Variants in PCF11 observed in about 807,000 individuals in gnomAD.
PCF11 encodes pre-mRNA cleavage complex 2 protein Pcf11.
A neutral mutation model predicts 166.1 loss-of-function variants in PCF11; 19 were observed. That is an observed-to-expected ratio of 0.11 (90% CI 0.08 to 0.17). The LOEUF (loss-of-function observed/expected upper bound fraction) is 0.17, where lower values mean the gene tolerates loss of function less well. Among genes scored for constraint, PCF11 ranks in the 10% least tolerant of loss-of-function variants. The pLI, the probability that PCF11 is intolerant of heterozygous loss-of-function variation, is 1.00. For missense variants in PCF11, 1,565 were observed against 1,855.5 expected, an observed-to-expected ratio of 0.84 and a Z score of 2.88; for synonymous variants, 663 against 644.1, an observed-to-expected ratio of 1.03 and a Z score of -0.44.
intron 5 of PCF11, 40 bp downstream of exon 5, chr11:83,166,754 A>C: frequency 6.7e-7 from 1 of 1,493,968 alleles, no homozygotes; most frequent in Non-Finnish European, 9.0e-7. Context: ...AGTAGTGTAT[A>C]TGTTTCAAAA....
chr11:83,181,453 T>G (rs570938256), intron 12 of PCF11, among the ~76,000 whole-genome samples: 3 of 151,336 alleles, frequency 2.0e-5, no homozygotes, highest in Non-Finnish European at 4.4e-5. Context: ...GTTCTAGCTC[T>G]AAAAGTCCAA....
At position 83,183,016 on chromosome 11, in the gene PCF11, ACTTT is replaced by A; in HGVS notation, c.4417-21_4417-18del. 7.6e-7 allele frequency: 1 copy of A among 1,315,794 alleles called. No individual in the cohort carries two copies. The highest frequency in any genetic ancestry group is 1.1e-6 in the Non-Finnish European group (1 of 933,136). 81.5% of individuals were successfully genotyped at this position (1,315,794 alleles called of 1,614,324 possible). A position where few individuals can be genotyped will look rare whatever the true frequency, so the allele number is the denominator to read the frequency against. On this transcript the variant is annotated intron_variant, in intron 14 of 15. Coordinates refer to ENST00000298281, the Ensembl canonical transcript of PCF11. Reference sequence around the variant, plus strand: ...ATTAGAAATGAATACGCACATATTTACTTTTTTTCTTTTTGCTTCAGATTTATCA... The same window carrying A: ...ATTAGAAATGAATACGCACATATTTATTTTCTTTTTGCTTCAGATTTATCA...
intron 15 of PCF11, among the ~76,000 whole-genome samples, chr11:83,183,349 A>C (rs1198124322): frequency 3.3e-5 from 5 of 152,170 alleles, no homozygotes; most frequent in African/African-American, 1.2e-4. Context: ...GGTATCTTTT[A>C]CTAGTCCACT....
chr11:83,179,982 A>G (rs1448349006), intron 11 of PCF11, among the ~76,000 whole-genome samples: 1 of 152,000 alleles, frequency 6.6e-6, no homozygotes, highest in African/African-American at 2.4e-5. Context: ...ACTCCCCTCC[A>G]TGTAGTTATA....
At chr11:83,170,043 T>A (rs747914378) in intron 8 of PCF11, 48 bp downstream of exon 8, 1 of 1,438,078 alleles carries the variant, frequency 7.0e-7, no homozygotes, top group Non-Finnish European at 9.2e-7. Context: ...AAGTTAACCA[T>A]TTTTTAATGT....
rs1860521255 is a variant in PCF11 at position 83,167,734 on chromosome 11, AAAGTAAACATGC to A, written c.2092+235_2092+246del. The A allele has an allele frequency of 6.8e-7, 1 of 1,474,212 alleles. No individual in the cohort carries two copies. Among genetic ancestry groups the A allele is most frequent in the African/African-American group, 1.4e-5 (1 of 71,638 alleles). The allele number at this position is 1,474,212 out of a possible 1,614,324, so 91.3% of individuals were successfully genotyped here. On this transcript the variant is annotated intron_variant, in intron 7 of 15. Transcript: ENST00000298281. This position sits in a 1 kb window ranked among gnomAD's most constrained non-coding sequence, Gnocchi z 4.2. Reference sequence around the variant, plus strand: ...TCTGGAATAGAATGTGAGCCATCCAAAAGTAAACATGCAAGTAGGAATAGTGGAGCACAGTTT... The same window carrying A: ...TCTGGAATAGAATGTGAGCCATCCAAAAGTAGGAATAGTGGAGCACAGTTT...
chr11:83,182,119 A>T (rs1182987760), intron 13 of PCF11, 110 bp downstream of exon 13: 4 of 942,500 alleles, frequency 4.2e-6, no homozygotes, highest in Non-Finnish European at 6.1e-6. Context: ...AATGATTTTA[A>T]GACTTCTTGA....
chr11:83,184,815 C>G (rs757291346), exon 16 of PCF11: 1 of 1,606,646 alleles, frequency 6.2e-7, no homozygotes, highest in South Asian at 1.1e-5. Context: ...CGAATTGATA[C>G]ACCACCAGCT....
intron 2 of PCF11, among the ~76,000 whole-genome samples, chr11:83,163,342 T>A (rs978542564): frequency 1.3e-5 from 2 of 152,190 alleles, no homozygotes; most frequent in Non-Finnish European, 2.9e-5. Context: ...TTGTTTTATA[T>A]TTTTTAGTTT....
chr11:83,166,609 A>C, exon 5 of PCF11: 1 of 1,613,922 alleles, frequency 6.2e-7, no homozygotes, highest in Non-Finnish European at 8.5e-7. Context: ...GAAACTACAA[A>C]TCAGCATTCT....
At chr11:83,157,480 C>G (rs750919205) in exon 1 of PCF11, 1 of 1,612,930 alleles carries the variant, frequency 6.2e-7, no homozygotes, top group Non-Finnish European at 8.5e-7. Flanking sequence ...GCTGCGGGGG[C>G]CCGGGAGGAC....
chr11:83,157,586 C>T (rs547797220), exon 1 of PCF11: 28 of 1,614,028 alleles, frequency 1.7e-5, no homozygotes, highest in African/African-American at 5.3e-5. Context: ...AGAACCTGCC[C>T]TTCGCCAAGG....
exon 1 of PCF11, chr11:83,157,305 C>G: frequency 6.8e-6 from 5 of 737,716 alleles, no homozygotes; most frequent in East Asian, 2.7e-5. Flanking sequence ...CCCCATCCCC[C>G]CTCCGCGGTC....
intron 10 of PCF11, 115 bp from the exon 11 acceptor site, chr11:83,177,599 A>G (rs901110859): frequency 2.4e-5 from 11 of 463,820 alleles, no homozygotes; most frequent in Admixed American, 1.2e-4. Context: ...TGAGATCAGA[A>G]GCACTGAATG....
exon 4 of PCF11, chr11:83,164,389 T>G (rs754298058): frequency 1.2e-6 from 2 of 1,612,130 alleles, no homozygotes; most frequent in Non-Finnish European, 1.7e-6. Context: ...TAGAGCAAGC[T>G]AAGGCACAGT....
chr11:83,179,048 A>G (rs1474784995), intron 11 of PCF11, among the ~76,000 whole-genome samples: 1 of 152,116 alleles, frequency 6.6e-6, no homozygotes, highest in Non-Finnish European at 1.5e-5. Flanking sequence ...AAAATAGTGA[A>G]TGAGTTTTTC....
At chr11:83,163,542 T>G in intron 2 of PCF11, 137 bp from the exon 3 acceptor site, 1 of 368,002 alleles carries the variant, frequency 2.7e-6, no homozygotes, top group Non-Finnish European at 4.9e-6. Flanking sequence ...CTTTAATAAA[T>G]TATTACTGTT....
intron 8 of PCF11, among the ~76,000 whole-genome samples, chr11:83,171,574 T>C (rs1319070063): frequency 6.6e-6 from 1 of 152,208 alleles, no homozygotes; most frequent in African/African-American, 2.4e-5. Flanking sequence ...TACCTTAAAC[T>C]TTTCAAAGAA....
chr11:83,171,662 C>T (rs1860696242), intron 8 of PCF11, among the ~76,000 whole-genome samples, 156 bp from the exon 9 acceptor site: 1 of 152,104 alleles, frequency 6.6e-6, no homozygotes, highest in Admixed American at 6.6e-5. Flanking sequence ...TTGTAGAAGA[C>T]CTAGAAGTGA....
Sources: gnomAD v4.1 joint callset for allele counts (sites outside exome capture counted in the v4.1 genomes callset) on GRCh38, gnomAD v4.1.1 for gene constraint, Gnocchi (gnomAD v3.1) non-coding constraint, MANE v1.5 for transcripts, NCBI Gene and HGNC (gene_info 2026-07-23, HGNC 2026-07-21) for gene names.